NRP1: variants seen among roughly 807,000 people sequenced by gnomAD.
The protein encoded by NRP1 is neuropilin 1.
Under a neutral mutation model 106.7 loss-of-function variants are expected in NRP1, and 35 were observed. The observed-to-expected ratio is 0.33, with a 90% CI of 0.25 to 0.43. The LOEUF (loss-of-function observed/expected upper bound fraction) is 0.43, where lower values mean the gene tolerates loss of function less well. Among genes scored for constraint, NRP1 ranks in the 20% least tolerant of loss-of-function variants. The probability of loss-of-function intolerance (pLI) is 1.00; values close to 1 mark genes in which losing one functional copy is unlikely to be tolerated. For synonymous variants in NRP1, 437 were observed against 417.9 expected (o/e 1.05, Z -0.56); for missense variants, 1,024 against 1,170.4 (o/e 0.87, Z 1.83).
chr10:33,296,116 T>C (rs1309955963), intron 2 of NRP1, among the ~76,000 whole-genome samples: 1 of 152,232 alleles, frequency 6.6e-6, no homozygotes, highest in Non-Finnish European at 1.5e-5. Context: ...TTTGTAGGTA[T>C]ATAATAAGAT....
At chr10:33,282,599 G>A (rs1324016058) in intron 2 of NRP1, among the ~76,000 whole-genome samples, 1 of 151,982 alleles carries the variant, frequency 6.6e-6, no homozygotes, top group Non-Finnish European at 1.5e-5. Flanking sequence ...TATTTATTCT[G>A]GAGCAGGGAA....
chr10:33,330,972 C>A, intron 1 of NRP1, 90 bp from the exon 2 acceptor site: 1 of 1,194,242 alleles, frequency 8.4e-7, no homozygotes, highest in South Asian at 1.6e-5. Flanking sequence ...ATTAAACATT[C>A]CTTAACTTTT....
intron 10 of NRP1, chr10:33,206,209 C>A (rs777403455): frequency 7.7e-6 from 4 of 519,000 alleles, no homozygotes; most frequent in Non-Finnish European, 1.5e-5. Context: ...ATCCAGGGAG[C>A]AGACTCCTTT....
chr10:33,304,445 C>A (rs186468042), intron 2 of NRP1, among the ~76,000 whole-genome samples: 13 of 152,246 alleles, frequency 8.5e-5, no homozygotes, highest in Non-Finnish European at 2.9e-5. Flanking sequence ...TTCTCATAGA[C>A]CCCTCTTTCA....
At chr10:33,200,345 G>A (rs893044016) in intron 11 of NRP1, among the ~76,000 whole-genome samples, 8 of 152,142 alleles carry the variant, frequency 5.3e-5, no homozygotes, top group Admixed American at 2.6e-4. Context: ...AGTAATTTCA[G>A]GGAAGCATTT....
At chr10:33,255,193 A>G (rs1842116927) in intron 5 of NRP1, among the ~76,000 whole-genome samples, 1 of 152,212 alleles carries the variant, frequency 6.6e-6, no homozygotes, top group Non-Finnish European at 1.5e-5. Flanking sequence ...TTTTCTTGCA[A>G]TGGCTTCATA....
chr10:33,180,690 A>G (rs1835630813), intron 16 of NRP1, among the ~76,000 whole-genome samples: 1 of 152,234 alleles, frequency 6.6e-6, no homozygotes, highest in Non-Finnish European at 1.5e-5. Context: ...GGTGATCATT[A>G]AGTTTTGCAA....
intron 10 of NRP1, chr10:33,206,198 C>T (rs756272582): frequency 1.9e-6 from 1 of 518,728 alleles, no homozygotes; most frequent in Non-Finnish European, 3.9e-6. Context: ...TACAGATTCG[C>T]ATCCAGGGAG....
intron 4 of NRP1, among the ~76,000 whole-genome samples, chr10:33,259,880 T>C (rs915756901): frequency 5.9e-5 from 9 of 152,062 alleles, no homozygotes. Flanking sequence ...TAGAGATGGG[T>C]GTCTCACTCT....
Position 33,334,313 on chromosome 10 carries a change from T to G in NRP1, c.70A>C (p.Asn24His). The change falls in exon 1 of 17, where the codon AAC (asparagine) becomes CAC (histidine). Residue 24 changes from asparagine to histidine, a missense_variant. Asn to His is a moderately conservative substitution (Grantham distance 68). Coordinates refer to ENST00000374867, the MANE Select transcript of NRP1 (RefSeq NM_003873.7). The stretch of plus-strand genomic sequence containing the variant: ...CGCGCCTCTGCCTGTCACTTACCGT[T>G]GCGAAAAGCGCCGGCCGGGGCGAGG... ...LVLAPAGAFR[N>H]DKCGDTIKIE... 6.5e-7 allele frequency: 1 copy of G among 1,542,120 alleles called. No individual in the cohort carries two copies. The highest frequency in any genetic ancestry group is 2.5e-5 in the East Asian group (1 of 40,752).
At chr10:33,273,538 A>G (rs1436168618) in intron 2 of NRP1, among the ~76,000 whole-genome samples, 1 of 152,074 alleles carries the variant, frequency 6.6e-6, no homozygotes, top group Non-Finnish European at 1.5e-5. Flanking sequence ...GAGTTTGCAA[A>G]TTTCGATCCC....
chr10:33,215,056 A>G (rs530324867), intron 8 of NRP1, among the ~76,000 whole-genome samples: 3 of 152,344 alleles, frequency 2.0e-5, no homozygotes, highest in African/African-American at 7.2e-5. Flanking sequence ...ATCTTTTGAA[A>G]ATGTACCATG....
In NRP1 at chr10:33,192,408, T is replaced by C. The variant is rs368913853; in HGVS notation, c.1935A>G (p.Thr645=). ...IDSTIQSEFP[T]YGFNCEFGWG... The stretch of plus-strand genomic sequence containing the variant: ...AGCCAAATTCACAGTTAAAACCATA[T>C]GTTGGAAACTCTTCAGTGGGTGGGA... Residue 645 remains threonine, a synonymous_variant, in exon 13 of 17, where the codon ACA becomes ACG. Coordinates refer to ENST00000374867, the MANE Select transcript of NRP1 (RefSeq NM_003873.7). The C allele has an allele frequency of 1.9e-6, 3 of 1,613,648 alleles. No homozygotes were observed. Among genetic ancestry groups the C allele is most frequent in the African/African-American group, 2.7e-5 (2 of 74,866 alleles).
intron 3 of NRP1, among the ~76,000 whole-genome samples, chr10:33,265,286 G>C (rs757501866): frequency 3.3e-5 from 5 of 152,138 alleles, no homozygotes; most frequent in African/African-American, 7.2e-5. Flanking sequence ...TTGAATTTCA[G>C]GATCAAATCT....
At position 33,213,028 on chromosome 10, in the gene NRP1, G is replaced by C. The variant is rs531530043; in HGVS notation, c.1614+358C>G. On this transcript the variant is annotated intron_variant, in intron 9 of 16. Coordinates refer to ENST00000374867, the MANE Select transcript of NRP1 (RefSeq NM_003873.7). ...TTAAACTAGGGGTAGGTTTGAGATG[G>C]GGGGAGGGCAGACCCAAACGACTGA... is the stretch of plus-strand genomic sequence containing the variant. 2.2e-5 allele frequency: 12 copies of C among 556,748 alleles called. No individual in the cohort carries two copies. The South Asian group carries it at 2.4e-4, about 11-fold the overall frequency. 34.5% of individuals were successfully genotyped at this position (556,748 alleles called of 1,614,324 possible). A position where few individuals can be genotyped will look rare whatever the true frequency, so the allele number is the denominator to read the frequency against.
At chr10:33,289,056 C>T (rs540903986) in intron 2 of NRP1, among the ~76,000 whole-genome samples, 107 of 152,252 alleles carry the variant, frequency 7.0e-4, no homozygotes, top group Admixed American at 4.9e-3. Flanking sequence ...AAACAACCAC[C>T]GCATAGCCCA....
chr10:33,277,892 C>G (rs532489540), intron 2 of NRP1, among the ~76,000 whole-genome samples: 1 of 152,086 alleles, frequency 6.6e-6, no homozygotes, highest in East Asian at 1.9e-4. Flanking sequence ...ATTTATGTAT[C>G]TGTCTTCCAA....
At chr10:33,211,768 G>C (rs1838319656) in intron 9 of NRP1, 2 of 152,198 alleles carry the variant, frequency 1.3e-5, no homozygotes, top group Admixed American at 1.3e-4. Flanking sequence ...TCCCACACTT[G>C]CTTAGAGTGG....
chr10:33,232,042 C>T (rs1044724519), intron 6 of NRP1, among the ~76,000 whole-genome samples: 3 of 151,890 alleles, frequency 2.0e-5, no homozygotes, highest in Non-Finnish European at 2.9e-5. Context: ...GTCATAAAAC[C>T]CACTCCAAAT....
Sources: gnomAD v4.1 joint callset for allele counts (sites outside exome capture counted in the v4.1 genomes callset) on GRCh38, gnomAD v4.1.1 for gene constraint, MANE v1.5 for transcripts, NCBI Gene and HGNC (gene_info 2026-07-23, HGNC 2026-07-21) for gene names.